The following ATP6V1H variants were observed in gnomAD, a reference collection of about 807,000 sequenced individuals.
The protein encoded by ATP6V1H is ATPase H+ transporting V1 subunit H.
ATP6V1H carries 39 observed loss-of-function variants against 71.7 expected under a neutral mutation model. That is an observed-to-expected ratio of 0.54 (90% CI 0.42 to 0.71). The LOEUF (loss-of-function observed/expected upper bound fraction) is 0.71. Among genes scored for constraint, ATP6V1H ranks in the 30% least tolerant of loss-of-function variants. The probability of loss-of-function intolerance (pLI) is 0.00; values close to 1 mark genes in which losing one functional copy is unlikely to be tolerated. For missense variants in ATP6V1H, 509 were observed against 594.9 expected, an observed-to-expected ratio of 0.86 and a Z score of 1.50; for synonymous variants, 192 against 199.3, an observed-to-expected ratio of 0.96 and a Z score of 0.31.
Position 53,787,629 on chromosome 8 carries a change from C to T in ATP6V1H, c.870+8018G>A, listed in dbSNP as rs1809429584. Among the ~76,000 whole-genome samples, 3 of 152,144 alleles carry T rather than the reference C, an allele frequency of 2.0e-5. No individual in the cohort carries two copies. The South Asian group carries it at 6.2e-4, about 32-fold the overall frequency. On this transcript the variant is annotated intron_variant, in intron 9 of 13. Transcript: ENST00000359530. ...CATATAATGTAGGCTTTTGACTAAG[C>T]AGAGCCCAGAAGAGAAATCAAATGC... is the stretch of plus-strand genomic sequence containing the variant.
At chr8:53,841,343 G>A (rs967523397) in intron 2 of ATP6V1H, among the ~76,000 whole-genome samples, 2 of 152,112 alleles carry the variant, frequency 1.3e-5, no homozygotes, top group African/African-American at 4.8e-5. Context: ...TACTTCCCCA[G>A]GCAGCCAGAG....
rs192375194 is a variant in ATP6V1H at position 53,724,510 on chromosome 8, C to T, written c.1392-8486G>A. Among the ~76,000 whole-genome samples the T allele has an allele frequency of 1.5e-3, 228 of 151,836 alleles. 2 individuals are homozygous for T. The highest frequency in any genetic ancestry group is 0.012 in the Admixed American group (188 of 15,246). ...GCCAGAAGACTGAGTAAGGGCCATACGATATAAGATGGAAGTGTTGAGAGG... is the reference window on the plus strand; with the variant it reads ...GCCAGAAGACTGAGTAAGGGCCATATGATATAAGATGGAAGTGTTGAGAGG... On this transcript the variant is annotated intron_variant, in intron 13 of 13. Coordinates refer to ENST00000359530, the MANE Select transcript of ATP6V1H (RefSeq NM_015941.4).
At chr8:53,833,160 CCTTCT>C in intron 2 of ATP6V1H, 74 bp from the exon 3 acceptor site, 1 of 1,188,212 alleles carries the variant, frequency 8.4e-7, no homozygotes, top group South Asian at 1.3e-5. Context: ...AATTTTCAGT[CCTTCT>C]CTTCTCTCCT....
chr8:53,831,073 T>C (rs937293992), intron 3 of ATP6V1H, among the ~76,000 whole-genome samples: 1 of 152,212 alleles, frequency 6.6e-6, no homozygotes, highest in Non-Finnish European at 1.5e-5. Context: ...AAAGCTGGTA[T>C]ACTTAAAACA....
At chr8:53,836,125 A>C (rs1412083209) in intron 2 of ATP6V1H, among the ~76,000 whole-genome samples, 2 of 152,200 alleles carry the variant, frequency 1.3e-5, no homozygotes, top group Non-Finnish European at 2.9e-5. Context: ...GGTAGACTAA[A>C]ATAACAAGGT....
chr8:53,820,047 A>C lies in ATP6V1H; in HGVS notation c.307-2517T>G, dbSNP rs77197820. Among the ~76,000 whole-genome samples, 897 of 152,106 alleles carry C rather than the reference A, an allele frequency of 5.9e-3. 11 individuals carry two copies. Among genetic ancestry groups the C allele is most frequent in the African/African-American group, 0.02 (837 of 41,518 alleles). On this transcript the variant is annotated intron_variant, in intron 4 of 13. Transcript: ENST00000359530. ...GAAACACCAAATCCCAACAAAAGCTATCTCTCATACTCCATCACAAGCTTT... is the reference window on the plus strand; with the variant it reads ...GAAACACCAAATCCCAACAAAAGCTCTCTCTCATACTCCATCACAAGCTTT...
chr8:53,750,719 T>C (rs10435587), intron 12 of ATP6V1H, among the ~76,000 whole-genome samples: 13,739 of 152,106 alleles, frequency 0.09, 974 homozygotes, highest in East Asian at 0.37. Flanking sequence ...TGACACTTCA[T>C]TCCTGAGAAA....
chr8:53,723,731 AC>A (rs1222015269), intron 13 of ATP6V1H, among the ~76,000 whole-genome samples: 1 of 151,822 alleles, frequency 6.6e-6, no homozygotes, highest in Non-Finnish European at 1.5e-5. Flanking sequence ...TCTGCCCAGA[AC>A]CCTCCTAGGC....
chr8:53,795,351 T>G (rs893874367), intron 9 of ATP6V1H, among the ~76,000 whole-genome samples: 1 of 152,100 alleles, frequency 6.6e-6, no homozygotes, highest in Non-Finnish European at 1.5e-5. Flanking sequence ...TCAAAAACAG[T>G]CTCTTGGAAT....
chr8:53,785,753 A>G (rs1455095433), intron 9 of ATP6V1H, among the ~76,000 whole-genome samples: 1 of 152,084 alleles, frequency 6.6e-6, no homozygotes, highest in Non-Finnish European at 1.5e-5. Context: ...TTTTCCTTCT[A>G]ACACTCATGA....
At chr8:53,755,147 G>T (rs2130244773) in intron 12 of ATP6V1H, among the ~76,000 whole-genome samples, 1 of 152,246 alleles carries the variant, frequency 6.6e-6, no homozygotes, top group Non-Finnish European at 1.5e-5. Context: ...AGATCTCTCT[G>T]TTTTCCTTTG....
intron 6 of ATP6V1H, among the ~76,000 whole-genome samples, chr8:53,813,156 T>A (rs368910125): frequency 6.6e-6 from 1 of 152,244 alleles, no homozygotes; most frequent in South Asian, 2.1e-4. Context: ...AAATAGCTTG[T>A]TTTTGAAATA....
At chr8:53,796,100 C>T (rs1027346667) in intron 8 of ATP6V1H, among the ~76,000 whole-genome samples, 1 of 152,118 alleles carries the variant, frequency 6.6e-6, no homozygotes, top group Non-Finnish European at 1.5e-5. Context: ...GGAACAAAGA[C>T]TTGTAATATG....
At chr8:53,717,741 G>T (rs1350962346) in intron 13 of ATP6V1H, among the ~76,000 whole-genome samples, 1 of 151,846 alleles carries the variant, frequency 6.6e-6, no homozygotes, top group Non-Finnish European at 1.5e-5. Context: ...GGTGGTGGAG[G>T]TAATAATATT....
rs985489478 is a variant in ATP6V1H at position 53,775,445 on chromosome 8, G to C, written c.871-3278C>G. 5.3e-5 allele frequency among the ~76,000 whole-genome samples: 8 copies of C among 152,304 alleles called. No homozygotes were observed. The East Asian group carries it at 7.7e-4, about 15-fold the overall frequency. ...CCACATCCTGCTGATTGGTAGAGCC[G>C]AGTGGCCTGTTTTGACAGGGCGCTG... On this transcript the variant is annotated intron_variant, in intron 9 of 13. Coordinates refer to ENST00000359530, the MANE Select transcript of ATP6V1H (RefSeq NM_015941.4).
At chr8:53,765,597 G>C (rs80270887) in intron 11 of ATP6V1H, among the ~76,000 whole-genome samples, 1 of 151,576 alleles carries the variant, frequency 6.6e-6, no homozygotes, top group Non-Finnish European at 1.5e-5. Context: ...ATCTATAAGA[G>C]GAAAACAAAA....
chr8:53,784,981 C>A (rs1334147456), intron 9 of ATP6V1H, among the ~76,000 whole-genome samples: 2 of 152,122 alleles, frequency 1.3e-5, no homozygotes, highest in Non-Finnish European at 2.9e-5. Context: ...TTTTTTCCTT[C>A]ATTTCAACTT....
Position 53,781,258 on chromosome 8 carries a change from C to T in ATP6V1H, c.871-9091G>A, listed in dbSNP as rs375177172. On this transcript the variant is annotated intron_variant, in intron 9 of 13. Transcript: ENST00000359530. Reference sequence around the variant, plus strand: ...CTAACTGGTGTGAGATGGTATCTCACTGTGGTTTTGATTTGCATTTCTCTG... The same window carrying T: ...CTAACTGGTGTGAGATGGTATCTCATTGTGGTTTTGATTTGCATTTCTCTG... Among the ~76,000 whole-genome samples the T allele has an allele frequency of 2.5e-3, 379 of 152,236 alleles. 2 individuals carry two copies. Among genetic ancestry groups the T allele is most frequent in the African/African-American group, 7.9e-3 (327 of 41,550 alleles).
At chr8:53,726,962 C>T (rs535181718) in intron 13 of ATP6V1H, among the ~76,000 whole-genome samples, 21 of 152,350 alleles carry the variant, frequency 1.4e-4, no homozygotes, top group Non-Finnish European at 2.4e-4. Flanking sequence ...AACACTTATT[C>T]GGCATGAATT....
Sources: gnomAD v4.1 joint callset for allele counts (sites outside exome capture counted in the v4.1 genomes callset) on GRCh38, gnomAD v4.1.1 for gene constraint, MANE v1.5 for transcripts, NCBI Gene and HGNC (gene_info 2026-07-23, HGNC 2026-07-21) for gene names.